The following LRRC72 variants were observed in gnomAD, a reference collection of about 807,000 sequenced individuals.
LRRC72 encodes the protein leucine rich repeat containing 72.
A neutral mutation model predicts 35.8 loss-of-function variants in LRRC72; 41 were observed. The observed-to-expected ratio is 1.15, with a 90% CI of 0.89 to 1.49. The LOEUF (loss-of-function observed/expected upper bound fraction) is 1.49, where lower values mean the gene tolerates loss of function less well. Among genes scored for constraint, LRRC72 ranks in the 40% most tolerant of loss-of-function variants. The pLI is 0.00. For missense variants in LRRC72, 389 were observed against 330.7 expected (o/e 1.18, Z -1.37); for synonymous variants, 118 against 119.2 (o/e 0.99, Z 0.07).
chr7:16,534,854 A>G (rs1782226215), intron 2 of LRRC72, among the ~76,000 whole-genome samples: 1 of 152,186 alleles, frequency 6.6e-6, no homozygotes, highest in Non-Finnish European at 1.5e-5. Context: ...AGCTACATAT[A>G]TACAGTGAGA....
At chr7:16,570,752 G>A (rs1483177567) in intron 7 of LRRC72, among the ~76,000 whole-genome samples, 3 of 152,076 alleles carry the variant, frequency 2.0e-5, no homozygotes, top group African/African-American at 7.2e-5. Context: ...CCCAGGAGGT[G>A]GAGGTTGCAG....
chr7:16,572,326 T>C (rs1308357036), intron 7 of LRRC72, among the ~76,000 whole-genome samples: 3 of 152,164 alleles, frequency 2.0e-5, no homozygotes, highest in Non-Finnish European at 4.4e-5. Context: ...ATCATCCTGA[T>C]ACCAAAACCT....
At chr7:16,548,575 C>T (rs1246151074) in intron 3 of LRRC72, among the ~76,000 whole-genome samples, 1 of 152,246 alleles carries the variant, frequency 6.6e-6, no homozygotes, top group Non-Finnish European at 1.5e-5. Context: ...CAGCCACAGC[C>T]TCACAGGAAG....
intron 2 of LRRC72, among the ~76,000 whole-genome samples, chr7:16,536,691 A>G (rs1453733726): frequency 6.6e-6 from 1 of 152,084 alleles, no homozygotes; most frequent in Non-Finnish European, 1.5e-5. Flanking sequence ...CATGCTTTCA[A>G]AAAATGTATG....
At chr7:16,571,366 T>A (rs1348004764) in intron 7 of LRRC72, among the ~76,000 whole-genome samples, 2 of 152,010 alleles carry the variant, frequency 1.3e-5, no homozygotes, top group African/African-American at 2.4e-5. Context: ...AACACAGATA[T>A]TAAGTCTGAT....
chr7:16,549,550 C>T (rs1229242515), intron 3 of LRRC72, among the ~76,000 whole-genome samples: 2 of 152,178 alleles, frequency 1.3e-5, no homozygotes, highest in Admixed American at 1.3e-4. Flanking sequence ...ACCATTTCCA[C>T]TGCTATGGAA....
chr7:16,575,092 G>A (rs1243789075), intron 7 of LRRC72, among the ~76,000 whole-genome samples: 4 of 141,498 alleles, frequency 2.8e-5, no homozygotes, highest in East Asian at 5.0e-4. Flanking sequence ...TTTAGCCTGC[G>A]TGACAGAGTA....
At chr7:16,527,157 C>G (rs568270031) in intron 1 of LRRC72, 115 bp downstream of exon 1, 1 of 759,162 alleles carries the variant, frequency 1.3e-6, no homozygotes, top group Non-Finnish European at 2.1e-6. Flanking sequence ...ATTTCAGTAG[C>G]CTGAAGACGG....
At chr7:16,568,068 CA>C (rs1782881305) in intron 7 of LRRC72, among the ~76,000 whole-genome samples, 1 of 151,952 alleles carries the variant, frequency 6.6e-6, no homozygotes, top group African/African-American at 2.4e-5. Flanking sequence ...AATTTAATTT[CA>C]TATTTGTAAC....
At chr7:16,530,086 C>T (rs1227913576) in intron 1 of LRRC72, 1 of 151,548 alleles carries the variant, frequency 6.6e-6, no homozygotes, top group East Asian at 1.9e-4. Flanking sequence ...CTTTAGATGT[C>T]TAGATATCTG....
At chr7:16,552,407 T>C (rs78813884) in intron 3 of LRRC72, among the ~76,000 whole-genome samples, 1 of 8,674 alleles carries the variant, frequency 1.2e-4, no homozygotes, top group African/African-American at 2.6e-4. Flanking sequence ...GGAAATGAAG[T>C]GTGTGCAGAA....
chr7:16,529,661 T>G (rs201284565), intron 1 of LRRC72, among the ~76,000 whole-genome samples: 13,094 of 152,174 alleles, frequency 0.086, 633 homozygotes, highest in East Asian at 0.15. Flanking sequence ...TATTTTGTAC[T>G]GGATTCATGC....
chr7:16,552,926 G>C (rs1026692243), intron 3 of LRRC72, among the ~76,000 whole-genome samples: 1 of 151,960 alleles, frequency 6.6e-6, no homozygotes, highest in African/African-American at 2.4e-5. Context: ...TATAATCGTG[G>C]GTAAATTACT....
Position 16,581,432 on chromosome 7 carries a change from G to A in LRRC72, c.807G>A (p.Arg269=). The change falls in exon 9 of 9, where the codon AGG becomes AGA. Residue 269 remains arginine (R), a synonymous_variant. Transcript: ENST00000401542. ...ACACAGTTCCAACACGAGAGGAAAG[G>A]TACCTTGAAGAGGAAGGCACAGAAA... is the stretch of plus-strand genomic sequence containing the variant. ...NWDTVPTREE[R]YLEEEGTETA... The A allele has an allele frequency of 2.6e-6, 4 of 1,550,440 alleles. No homozygotes were observed. The highest frequency in any genetic ancestry group is 3.5e-6 in the Non-Finnish European group (4 of 1,146,806).
rs11379958 is a variant in LRRC72 at position 16,567,552 on chromosome 7, T to TAA, written c.670+25_670+26dup. ...CCAGAGAGTACCTTCAGGTATTTCGTAAAAAAAAAAAAAAAAACAAATTTA... is the reference window on the plus strand; with the variant it reads ...CCAGAGAGTACCTTCAGGTATTTCGTAAAAAAAAAAAAAAAAAAACAAATTTA... On this transcript the variant is annotated intron_variant, in intron 7 of 8. Transcript: ENST00000401542. 0.064 allele frequency: 68,958 copies of TAA among 1,074,424 alleles called. 46 individuals carry two copies. Among genetic ancestry groups the TAA allele is most frequent in the South Asian group, 0.1 (2,635 of 26,148 alleles). The allele number at this position is 1,074,424 out of a possible 1,614,324, so 66.6% of individuals were successfully genotyped here.
chr7:16,535,194 GAA>G (rs199810747), intron 2 of LRRC72, among the ~76,000 whole-genome samples: 1 of 150,812 alleles, frequency 6.6e-6, no homozygotes, highest in East Asian at 1.9e-4. Context: ...TTCTAAAAAA[GAA>G]AAAAAAAGTT....
chr7:16,546,675 T>C (rs995288847), intron 3 of LRRC72, among the ~76,000 whole-genome samples: 2 of 152,138 alleles, frequency 1.3e-5, no homozygotes, highest in African/African-American at 4.8e-5. Context: ...TCTGACCTTA[T>C]TACCTGCCAT....
chr7:16,565,381 A>C (rs1782811277), intron 5 of LRRC72, among the ~76,000 whole-genome samples: 3 of 151,982 alleles, frequency 2.0e-5, no homozygotes, highest in Admixed American at 1.3e-4. Flanking sequence ...TGCAGTGAGC[A>C]AGATCATGCC....
chr7:16,532,610 T>A, intron 2 of LRRC72, 42 bp downstream of exon 2: 7 of 1,325,002 alleles, frequency 5.3e-6, no homozygotes, highest in African/African-American at 1.5e-5. Context: ...TATCATGTTA[T>A]CATGATCATG....
Sources: allele counts gnomAD v4.1 joint callset (sites outside exome capture counted in the v4.1 genomes callset), GRCh38; gene constraint gnomAD v4.1.1; transcripts MANE v1.5; gene names NCBI Gene and HGNC (gene_info 2026-07-23, HGNC 2026-07-21).